ZNF318: variants seen among roughly 807,000 people sequenced by gnomAD.
ZNF318 encodes the protein zinc finger protein 318.
Under a neutral mutation model 124.2 loss-of-function variants are expected in ZNF318, and 51 were observed. The observed-to-expected ratio is 0.41, with a 90% CI of 0.33 to 0.52. The LOEUF (loss-of-function observed/expected upper bound fraction) is 0.52. Among genes scored for constraint, ZNF318 ranks in the 20% least tolerant of loss-of-function variants. ZNF318 has a pLI of 0.23. For missense variants in ZNF318, 2,815 were observed against 2,811.2 expected, an observed-to-expected ratio of 1.00 and a Z score of -0.03; for synonymous variants, 1,090 against 1,040.7, an observed-to-expected ratio of 1.05 and a Z score of -0.91.
Position 43,356,104 on chromosome 6 carries a change from G to A in ZNF318, c.1230C>T (p.His410=). 1 of 1,613,990 alleles carries A rather than the reference G, an allele frequency of 6.2e-7. No homozygotes were observed. Among genetic ancestry groups the A allele is most frequent in the Non-Finnish European group, 8.5e-7 (1 of 1,179,944 alleles). ...FSSSTSSSQD[H]PLYSGHPSLP... is the part of the protein sequence containing the mutation. ...GGGATGGGTGCCCAGAGTAGAGAGG[G>A]TGATCCTGGCTGGAGCTGGTACTGC... The change falls in exon 4 of 10, where the codon CAC becomes CAT. Residue 410 remains histidine (H), a synonymous_variant. Transcript: ENST00000361428.
At chr6:43,350,307 T>C (rs1319251834) in intron 5 of ZNF318, among the ~76,000 whole-genome samples, 2 of 152,024 alleles carry the variant, frequency 1.3e-5, no homozygotes, top group Non-Finnish European at 1.5e-5. Context: ...GGAGACATAT[T>C]GAAAGGACAC....
intron 5 of ZNF318, among the ~76,000 whole-genome samples, 166 bp downstream of exon 5, chr6:43,352,211 T>C (rs1779539026): frequency 6.6e-6 from 1 of 152,142 alleles, no homozygotes; most frequent in Non-Finnish European, 1.5e-5. Flanking sequence ...GGGAGAAGAG[T>C]ACCTGAGAAT....
At chr6:43,352,181 CAT>C (rs1491565617) in intron 5 of ZNF318, among the ~76,000 whole-genome samples, 194 bp downstream of exon 5, 2,849 of 48,722 alleles carry the variant, frequency 0.058, 114 homozygotes, top group African/African-American at 0.33. Context: ...TCATCATCAT[CAT>C]CACCACCACC....
chr6:43,363,772 C>T, intron 2 of ZNF318: 1 of 666,600 alleles, frequency 1.5e-6, no homozygotes, highest in East Asian at 2.7e-5. Flanking sequence ...CCACACTGGC[C>T]AGTTGAAAAG....
intron 6 of ZNF318, among the ~76,000 whole-genome samples, chr6:43,347,196 G>C (rs973343000): frequency 6.6e-6 from 1 of 152,178 alleles, no homozygotes; most frequent in African/African-American, 2.4e-5. Flanking sequence ...GGTCACGAGA[G>C]GAGATGATAC....
rs773330923 is a variant in ZNF318 at position 43,355,597 on chromosome 6, T to C, written c.1737A>G (p.Leu579=). 2.0e-5 allele frequency: 32 copies of C among 1,614,118 alleles called. No individual in the cohort carries two copies. Among genetic ancestry groups the C allele is most frequent in the African/African-American group, 2.7e-5 (2 of 74,940 alleles). ...CTGGATTGGTCTCTTCTAGTGATTCTAGCTTTACAGCTGGAGCTGAAGACG... is the reference window on the plus strand; with the variant it reads ...CTGGATTGGTCTCTTCTAGTGATTCCAGCTTTACAGCTGGAGCTGAAGACG... The part of the protein sequence containing the change: ...SLPSSAPAVK[L]ESLEETNPEY... The change falls in exon 4 of 10, where the codon CTA becomes CTG. Residue 579 remains leucine (L), a synonymous_variant. Transcript: ENST00000361428.
chr6:43,344,361 A>C (rs1294740417), intron 6 of ZNF318, among the ~76,000 whole-genome samples: 1 of 152,210 alleles, frequency 6.6e-6, no homozygotes, highest in Non-Finnish European at 1.5e-5. Flanking sequence ...ATCCTATGGA[A>C]ATTATCATGT....
chr6:43,339,488 T>C lies in ZNF318; in HGVS notation c.4510A>G (p.Ile1504Val), dbSNP rs747885780. Reference sequence around the variant, plus strand: ...GCAGCTGGCTGTGCTGAGGCCATGATGGCTACAGGCAACACTGGGTTCAAA... The same window carrying C: ...GCAGCTGGCTGTGCTGAGGCCATGACGGCTACAGGCAACACTGGGTTCAAA... ...NILNPVLPVAIMASAQPAAIP... is the reference protein window; with the variant it reads ...NILNPVLPVAVMASAQPAAIP... The change falls in exon 10 of 10, where the codon ATC (isoleucine) becomes GTC (valine). Residue 1504 changes from isoleucine to valine, a missense_variant. Ile to Val is a conservative substitution (Grantham distance 29, BLOSUM62 3). This residue lies in a region of ZNF318 where 500 missense variants were observed against 605.2 expected (regional missense o/e 0.83). Coordinates refer to ENST00000361428, the MANE Select transcript of ZNF318 (RefSeq NM_014345.3). The surrounding 1 kb of genome is among the most constrained non-coding windows in gnomAD (Gnocchi z 4.2). 2 of 1,614,142 alleles carry C rather than the reference T, an allele frequency of 1.2e-6. No individual in the cohort carries two copies. The highest frequency in any genetic ancestry group is 1.1e-5 in the South Asian group (1 of 91,080).
rs1779594623 is a variant in ZNF318, at chr6:43,355,549, C to T, written c.1785G>A (p.Leu595=). ...TNPEYAKIHD[L]LKTIGLDIGV... is the part of the protein sequence containing the mutation. ...CAATATCCAGCCCTATTGTCTTGAG[C>T]AAGTCATGGATCTTCGCATATTCTG... Residue 595 remains leucine (L), a synonymous_variant, in exon 4 of 10, where the codon TTG becomes TTA. Coordinates refer to ENST00000361428, the MANE Select transcript of ZNF318 (RefSeq NM_014345.3). 1.9e-6 allele frequency: 3 copies of T among 1,614,184 alleles called. No homozygotes were observed. Among genetic ancestry groups the T allele is most frequent in the Non-Finnish European group, 1.7e-6 (2 of 1,180,042 alleles).
chr6:43,348,221 A>G, intron 6 of ZNF318, 103 bp downstream of exon 6: 1 of 1,145,674 alleles, frequency 8.7e-7, no homozygotes, highest in East Asian at 2.3e-5. Context: ...ATAATTAACA[A>G]GAGTAAGAAC....
At position 43,337,430 on chromosome 6, in the gene ZNF318, G is replaced by A. The variant is rs916851816; in HGVS notation, c.6568C>T (p.Pro2190Ser). 6.2e-7 allele frequency: 1 copy of A among 1,614,156 alleles called. No individual in the cohort carries two copies. The highest frequency in any genetic ancestry group is 1.3e-5 in the African/African-American group (1 of 75,032). Reference protein sequence around the residue: ...SGVQKDKLCSPLSEPGDPSKC... With the variant: ...SGVQKDKLCSSLSEPGDPSKC... ...GAAGGGTCACCTGGCTCAGAGAGTG[G>A]AGAACACAGTTTATCTTTTTGAACT... The change falls in exon 10 of 10, where the codon CCA (proline) becomes TCA (serine). Residue 2190 changes from proline to serine, a missense_variant. Physicochemically the swap from Pro to Ser is moderately conservative, Grantham distance 74 (BLOSUM62 -1). Around this residue, in one of 4 missense-constraint regions of ZNF318, gnomAD observed 927 missense variants for 820.6 expected, o/e 1.13. Transcript: ENST00000361428.
chr6:43,337,741 T>G lies in ZNF318; in HGVS notation c.6257A>C (p.Glu2086Ala), dbSNP rs775978906. 1 of 1,614,158 alleles carries G rather than the reference T, an allele frequency of 6.2e-7. No homozygotes were observed. The highest frequency in any genetic ancestry group is 1.1e-5 in the South Asian group (1 of 91,078). The change falls in exon 10 of 10, where the codon GAG (glutamate) becomes GCG (alanine). Residue 2086 changes from glutamate (E) to alanine (A), a missense_variant. Around this residue, in one of 4 missense-constraint regions of ZNF318, gnomAD observed 927 missense variants for 820.6 expected, o/e 1.13. Coordinates refer to ENST00000361428, the MANE Select transcript of ZNF318 (RefSeq NM_014345.3). ...GGGATTAGGTGAGTTTCGTTCACCC[T>G]CTGTCTCAAAGTCAAGCACCAAGGT... ...PKTLVLDFETEGERNSPNPRS... is the reference protein window; with the variant it reads ...PKTLVLDFETAGERNSPNPRS...
At position 43,352,430 on chromosome 6, in the gene ZNF318, T is replaced by C. The variant is rs1248522141; in HGVS notation, c.2717A>G (p.Gln906Arg). Residue 906 changes from glutamine to arginine, a missense_variant, in exon 5 of 10, where the codon CAG becomes CGG. Coordinates refer to ENST00000361428, the MANE Select transcript of ZNF318 (RefSeq NM_014345.3). Reference protein sequence around the residue: ...EKLKNDREARQKKMYYLRTEL... With the variant: ...EKLKNDREARRKKMYYLRTEL... ...GGTCCTAAGATAGTACATCTTCTTC[T>C]GGCGGGCTTCCCGGTCATTCTTTAG... The C allele has an allele frequency of 1.2e-6, 2 of 1,614,170 alleles. No homozygotes were observed. Among genetic ancestry groups the C allele is most frequent in the East Asian group, 2.2e-5 (1 of 44,888 alleles).
rs748256069 is a variant in ZNF318 at position 43,348,926 on chromosome 6, C to T, written c.2771-301G>A. On this transcript the variant is annotated intron_variant, in intron 5 of 9. Transcript: ENST00000361428. ...GTGGGCGCCTGTAATTCTATTTACC[C>T]GGGAGGCTGAGGCAGGAGAATTGCT... Among the ~76,000 whole-genome samples the T allele has an allele frequency of 5.3e-5, 8 of 152,038 alleles. 1 individual carries two copies. Among genetic ancestry groups the T allele is most frequent in the Middle Eastern group, 3.2e-3 (1 of 316 alleles).
chr6:43,350,436 T>G (rs914312373), intron 5 of ZNF318, among the ~76,000 whole-genome samples: 1 of 152,156 alleles, frequency 6.6e-6, no homozygotes, highest in Non-Finnish European at 1.5e-5. Flanking sequence ...TTCATACTCA[T>G]ATAAATGAAT....
chr6:43,352,256 T>TCACTACCATCATCTGGGAG, intron 5 of ZNF318, 121 bp downstream of exon 5: 2 of 723,576 alleles, frequency 2.8e-6, no homozygotes, highest in South Asian at 1.9e-5. Context: ...TTTGTAAGTT[T>TCACTACCATCATCTGGGAG]AATTACGTCA....
chr6:43,362,402 G>A (rs1162292912), intron 2 of ZNF318, among the ~76,000 whole-genome samples: 1 of 151,216 alleles, frequency 6.6e-6, no homozygotes. Flanking sequence ...GCAGTGAGCC[G>A]AGATTGCAGC....
intron 2 of ZNF318, among the ~76,000 whole-genome samples, chr6:43,359,628 A>C (rs370186974): frequency 4.6e-5 from 7 of 152,230 alleles, no homozygotes; most frequent in African/African-American, 1.7e-4. Flanking sequence ...ACTTTTCCTT[A>C]GTTTTTTTAG....
chr6:43,352,852 C>A (rs1349335789), intron 4 of ZNF318, among the ~76,000 whole-genome samples: 11 of 152,202 alleles, frequency 7.2e-5, no homozygotes, highest in Non-Finnish European at 1.6e-4. Flanking sequence ...CCAGGGATAA[C>A]CCATAGGCAG....
Sources: allele counts gnomAD v4.1 joint callset (sites outside exome capture counted in the v4.1 genomes callset), GRCh38; gene constraint gnomAD v4.1.1; regional missense constraint gnomAD v4.1.1; non-coding constraint Gnocchi (gnomAD v3.1); transcripts MANE v1.5; gene names NCBI Gene and HGNC (gene_info 2026-07-23, HGNC 2026-07-21).